Variants in RARB observed in about 807,000 individuals in gnomAD.
RARB encodes the protein retinoic acid receptor beta.
In RARB, 17 loss-of-function variants were observed where a neutral mutation model predicts 51.9. That is an observed-to-expected ratio of 0.33 (90% CI 0.22 to 0.49). RARB has a LOEUF of 0.49. Among genes scored for constraint, RARB ranks in the 20% least tolerant of loss-of-function variants. The pLI, the probability that RARB is intolerant of heterozygous loss-of-function variation, is 0.99. For synonymous variants in RARB, 215 were observed against 195.4 expected (o/e 1.10, Z -0.84); for missense variants, 369 against 550.8 (o/e 0.67, Z 3.30).
intron 2 of RARB, among the ~76,000 whole-genome samples, chr3:25,489,806 G>A (rs1399274707): frequency 1.3e-5 from 2 of 152,234 alleles, no homozygotes; most frequent in African/African-American, 4.8e-5. Flanking sequence ...TGGGGGGCCT[G>A]GGTAAGTATG....
chr3:25,197,792 T>C (rs1182817173), intron 5 of RARB, among the ~76,000 whole-genome samples: 4 of 151,728 alleles, frequency 2.6e-5, no homozygotes, highest in Non-Finnish European at 5.9e-5. Flanking sequence ...CACAAAAAAA[T>C]GGAAAGATAT....
chr3:25,581,427 G>GC (rs1264182175), intron 5 of RARB, among the ~76,000 whole-genome samples: 1 of 152,136 alleles, frequency 6.6e-6, no homozygotes, highest in Non-Finnish European at 1.5e-5. Context: ...CCAGCCTGAA[G>GC]CCCCCACCAG....
chr3:25,492,264 T>G (rs1410988109), intron 2 of RARB, among the ~76,000 whole-genome samples: 3 of 152,194 alleles, frequency 2.0e-5, no homozygotes, highest in African/African-American at 4.8e-5. Context: ...AGGTCATGTT[T>G]TGGAAATAGA....
intron 4 of RARB, among the ~76,000 whole-genome samples, chr3:25,580,145 C>A (rs548269947): frequency 6.6e-6 from 1 of 152,142 alleles, no homozygotes; most frequent in Non-Finnish European, 1.5e-5. Flanking sequence ...GAGGCCGAGG[C>A]GGGTGAATCA....
intron 2 of RARB, among the ~76,000 whole-genome samples, chr3:24,982,046 G>T (rs1696686933): frequency 6.6e-6 from 1 of 152,138 alleles, no homozygotes; most frequent in East Asian, 1.9e-4. Context: ...CTCCTCTTTG[G>T]GTCCTGGCCA....
At chr3:25,462,935 A>G (rs907668525) in intron 2 of RARB, among the ~76,000 whole-genome samples, 3 of 152,166 alleles carry the variant, frequency 2.0e-5, no homozygotes, top group Non-Finnish European at 2.9e-5. Flanking sequence ...CTGCCACACT[A>G]TTGGCCAAAG....
chr3:25,455,441 A>G (rs2125547426), intron 1 of RARB, among the ~76,000 whole-genome samples: 1 of 152,334 alleles, frequency 6.6e-6, no homozygotes, highest in South Asian at 2.1e-4. Context: ...ACTTTGAGGA[A>G]CATTGATTTA....
intron 2 of RARB, among the ~76,000 whole-genome samples, chr3:24,912,913 G>T (rs1461670809): frequency 2.0e-5 from 3 of 148,036 alleles, no homozygotes; most frequent in African/African-American, 7.4e-5. Flanking sequence ...CAGGTATGTT[G>T]TCTCTTAAGA....
chr3:24,991,443 C>CAAA (rs371185277), intron 2 of RARB, among the ~76,000 whole-genome samples: 4 of 138,764 alleles, frequency 2.9e-5, no homozygotes, highest in African/African-American at 5.4e-5. Context: ...AACTCTGTCT[C>CAAA]AAAAAAAAAA....
intron 5 of RARB, among the ~76,000 whole-genome samples, chr3:25,315,880 A>G (rs1334560281): frequency 6.6e-6 from 1 of 151,984 alleles, no homozygotes. Context: ...CAGCCTCCCA[A>G]AGTTCTGGGA....
At chr3:25,112,457 G>A (rs1472380564) in intron 3 of RARB, among the ~76,000 whole-genome samples, 1 of 152,044 alleles carries the variant, frequency 6.6e-6, no homozygotes. Context: ...TTGTTATAGA[G>A]TATTAAATAA....
chr3:25,061,624 CT>C (rs1698551009), intron 3 of RARB, among the ~76,000 whole-genome samples: 1 of 151,702 alleles, frequency 6.6e-6, no homozygotes, highest in Non-Finnish European at 1.5e-5. Context: ...TTATTCAGAG[CT>C]AGCTGCTTTA....
Position 24,917,119 on chromosome 3 carries a change from C to A in RARB, c.-380+58367C>A, listed in dbSNP as rs142216454. The stretch of plus-strand genomic sequence containing the variant: ...TTTTAAAAAAATTTTATAATGAAGT[C>A]TTGGGGTATGAATTATTTGTGAAAT... On this transcript the variant is annotated intron_variant, in intron 2 of 11. Transcript: ENST00000383772. 4.1e-4 allele frequency among the ~76,000 whole-genome samples: 63 copies of A among 152,174 alleles called. 1 individual carries two copies. Among genetic ancestry groups the A allele is most frequent in the African/African-American group, 1.5e-3 (62 of 41,530 alleles).
intron 5 of RARB, among the ~76,000 whole-genome samples, chr3:25,176,706 G>A (rs755698342): frequency 1.8e-4 from 28 of 152,038 alleles, no homozygotes; most frequent in Middle Eastern, 6.8e-3. Flanking sequence ...GGCTACTACT[G>A]ATTTTAAGGA....
intron 5 of RARB, among the ~76,000 whole-genome samples, chr3:25,264,778 CCTT>C (rs1295121563): frequency 6.6e-6 from 1 of 152,112 alleles, no homozygotes; most frequent in Non-Finnish European, 1.5e-5. Flanking sequence ...ACACTTTTCT[CCTT>C]CTTCAAAACT....
intron 3 of RARB, among the ~76,000 whole-genome samples, chr3:25,530,321 G>A (rs984746666): frequency 6.6e-6 from 1 of 152,202 alleles, no homozygotes; most frequent in African/African-American, 2.4e-5. Flanking sequence ...AGTTCTACAG[G>A]CCAAGGGTTT....
rs1575163102 is a variant in RARB, at chr3:25,106,451, G to GGTTTTTTTTT, written c.-327-25710_-327-25709insGTTTTTTTTT. On this transcript the variant is annotated intron_variant, in intron 3 of 11. Transcript: ENST00000383772. ...CCACCATGCCCAGCTACTGTTTTTTGTTTTTTGTTTTTTTTTGTTTTGTTT... is the reference window on the plus strand; with the variant it reads ...CCACCATGCCCAGCTACTGTTTTTTGGTTTTTTTTTTTTTTTGTTTTTTTTTGTTTTGTTT... Among the ~76,000 whole-genome samples, 55 of 70,538 alleles carry GGTTTTTTTTT rather than the reference G, an allele frequency of 7.8e-4. 8 individuals carry two copies. The highest frequency in any genetic ancestry group is 2.3e-3 in the African/African-American group (38 of 16,176). The allele number at this position is 70,538 out of a possible 152,430, so 46.3% of individuals were successfully genotyped here.
intron 5 of RARB, among the ~76,000 whole-genome samples, chr3:25,346,994 T>G (rs954915701): frequency 6.6e-6 from 1 of 152,194 alleles, no homozygotes; most frequent in Non-Finnish European, 1.5e-5. Flanking sequence ...ACGAGTGTTG[T>G]GAAGAGAAAG....
chr3:24,979,002 A>G (rs956387863), intron 2 of RARB, among the ~76,000 whole-genome samples: 17 of 151,898 alleles, frequency 1.1e-4, no homozygotes, highest in Non-Finnish European at 1.2e-4. Flanking sequence ...CCTTAATTTC[A>G]TTATTTACCC....
Sources: allele counts gnomAD v4.1 joint callset (sites outside exome capture counted in the v4.1 genomes callset), GRCh38; gene constraint gnomAD v4.1.1; transcripts MANE v1.5; gene names NCBI Gene and HGNC (gene_info 2026-07-23, HGNC 2026-07-21).